The following PCSK7 variants were observed in gnomAD, a reference collection of about 807,000 sequenced individuals.
PCSK7 encodes lymphoma proprotein convertase.
PCSK7 carries 38 observed loss-of-function variants against 73.3 expected under a neutral mutation model. The ratio of observed to expected loss-of-function variants is 0.52; its 90% CI spans 0.40 to 0.68. The LOEUF is 0.68. Ranked by LOEUF, PCSK7 falls within the 30% of genes least tolerant of loss-of-function variation. The pLI is 0.00. For missense variants in PCSK7, 692 were observed against 991.5 expected, an observed-to-expected ratio of 0.70 and a Z score of 4.06; for synonymous variants, 296 against 383.8, an observed-to-expected ratio of 0.77 and a Z score of 2.68.
intron 12 of PCSK7, chr11:117,215,344 T>G: frequency 8.2e-6 from 1 of 122,176 alleles, no homozygotes; most frequent in South Asian, 3.3e-4. Flanking sequence ...TACAGGCACG[T>G]GCCACCATGC....
chr11:117,229,256 C>T (rs572625164), intron 3 of PCSK7, 121 bp downstream of exon 3: 32 of 798,450 alleles, frequency 4.0e-5, no homozygotes, highest in Middle Eastern at 3.7e-4. Flanking sequence ...ACCACAGAAC[C>T]GGGAAATGGT....
intron 9 of PCSK7, chr11:117,222,429 C>T (rs2032239157): frequency 6.6e-6 from 1 of 152,242 alleles, no homozygotes; most frequent in African/African-American, 2.4e-5. Context: ...TCCCACTCAT[C>T]CCATAAAAAC....
chr11:117,229,743 C>T lies in PCSK7; in HGVS notation c.102G>A (p.Trp34Ter). ...ELAGLFLLVP[W>*]VMGLAGTGGP... ...CACCTGTCCCTGCCAGGCCCATGAC[C>T]CAGGGAACCAGTAAGAAGAGCCCGG... Residue 34 changes from tryptophan (W) to a stop codon, truncating the protein, a stop_gained, in exon 3 of 17, where the codon TGG becomes TGA. Coordinates refer to ENST00000320934, the MANE Select transcript of PCSK7 (RefSeq NM_004716.4). LOFTEE classifies it high-confidence loss of function. The T allele has an allele frequency of 1.2e-6, 2 of 1,613,904 alleles. No homozygotes were observed. Among genetic ancestry groups the T allele is most frequent in the Non-Finnish European group, 1.7e-6 (2 of 1,179,842 alleles).
Position 117,206,107 on chromosome 11 carries a change from G to A in PCSK7, c.2248C>T (p.Pro750Ser), listed in dbSNP as rs1220895892. ...CAGTCCCCTTGCTCCAGCAGGTCTG[G>A]GGCAAGGAGGTCAGAGGTGGTGGGA... Reference protein sequence around the residue: ...GPPTTSDLLAPDLLEQGDWSL... With the variant: ...GPPTTSDLLASDLLEQGDWSL... The change falls in exon 17 of 17, where the codon CCA (proline) becomes TCA (serine). Residue 750 changes from proline to serine, a missense_variant. By Grantham distance (74) the Pro-to-Ser change is moderately conservative. Coordinates refer to ENST00000320934, the MANE Select transcript of PCSK7 (RefSeq NM_004716.4). 4.4e-6 allele frequency: 7 copies of A among 1,590,130 alleles called. No individual in the cohort carries two copies. The African/African-American group carries it at 8.1e-5, about 18-fold the overall frequency.
rs200607790 is a variant in PCSK7 at position 117,208,920 on chromosome 11, G to A, written c.1668C>T (p.Ile556=). The change falls in exon 13 of 17, where the codon ATC becomes ATT. Residue 556 remains isoleucine, a synonymous_variant. Coordinates refer to ENST00000320934, the MANE Select transcript of PCSK7 (RefSeq NM_004716.4). The part of the protein sequence containing the change: ...LFCPSGMMSL[I]GAPRSMDSDP... The stretch of plus-strand genomic sequence containing the variant: ...ACGAGTCCATGCTGCGGGGGGCGCC[G>A]ATGAGGGACATCATGCCACTGGGGC... The A allele has an allele frequency of 6.1e-5, 99 of 1,612,546 alleles. No individual in the cohort carries two copies. The highest frequency in any genetic ancestry group is 6.1e-5 in the Non-Finnish European group (72 of 1,179,822).
chr11:117,226,196 G>A lies in PCSK7; in HGVS notation c.770-175C>T, dbSNP rs540425707. On this transcript the variant is annotated intron_variant, in intron 5 of 16. Transcript: ENST00000320934. ...TTGTCACCCAGACTGGAGTGCAGTG[G>A]CATGATCTCGGCTCACTGCAGCCTC... is the stretch of plus-strand genomic sequence containing the variant. 3.0e-5 allele frequency: 18 copies of A among 597,330 alleles called. No individual in the cohort carries two copies. The African/African-American group carries it at 3.2e-4, about 11-fold the overall frequency. The allele number at this position is 597,330 out of a possible 1,614,324, so 37.0% of individuals were successfully genotyped here. A position where few individuals can be genotyped will look rare whatever the true frequency, so the allele number is the denominator to read the frequency against.
intron 9 of PCSK7, chr11:117,222,930 A>C (rs921212999): frequency 1.6e-5 from 6 of 377,970 alleles, no homozygotes; most frequent in Non-Finnish European, 3.0e-5. Context: ...TACAGGAGTG[A>C]GCCACCATGT....
chr11:117,215,138 GCTAT>G (rs886929472), intron 12 of PCSK7: 2 of 151,916 alleles, frequency 1.3e-5, no homozygotes, highest in Admixed American at 6.6e-5. Flanking sequence ...GCCACACATG[GCTAT>G]CTAAATTAAA....
chr11:117,213,976 T>TTTTTTTTTTTTTTTTTTTTTTTTTTTG (rs36106425), intron 12 of PCSK7: 2 of 131,354 alleles, frequency 1.5e-5, no homozygotes, highest in African/African-American at 3.2e-5. Flanking sequence ...TTTTTTTTTT[T>TTTTTTTTTTTTTTTTTTTTTTTTTTTG]AGACGGAGTC....
At chr11:117,224,247 G>C in intron 7 of PCSK7, 31 bp from the exon 8 acceptor site, 1 of 1,611,966 alleles carries the variant, frequency 6.2e-7, no homozygotes, top group Non-Finnish European at 8.5e-7. Context: ...GGTGTCAGTT[G>C]AGGAACCCAC....
chr11:117,218,663 A>C lies in PCSK7; in HGVS notation c.1432-95T>G, dbSNP rs2032081639. The C allele has an allele frequency of 1.4e-6, 1 of 689,730 alleles. No homozygotes were observed. The highest frequency in any genetic ancestry group is 1.8e-5 in the African/African-American group (1 of 55,802). The allele number at this position is 689,730 out of a possible 1,614,324, so 42.7% of individuals were successfully genotyped here. On this transcript the variant is annotated intron_variant, in intron 11 of 16. Transcript: ENST00000320934. This position sits in a 1 kb window ranked among gnomAD's most constrained non-coding sequence, Gnocchi z 4.0. ...ACACGCCCTTGTCAATACGATCTTGAAGGTTTAGCTGTCTTTATTTTTCCA... is the reference window on the plus strand; with the variant it reads ...ACACGCCCTTGTCAATACGATCTTGCAGGTTTAGCTGTCTTTATTTTTCCA...
intron 12 of PCSK7, chr11:117,217,073 C>T (rs1327830026): frequency 6.6e-6 from 1 of 152,206 alleles, no homozygotes. Flanking sequence ...CCTCCCTTCT[C>T]TTAATCCTGC....
At chr11:117,224,267 TCCG>T in intron 7 of PCSK7, 51 bp from the exon 8 acceptor site, 1 of 1,589,630 alleles carries the variant, frequency 6.3e-7, no homozygotes, top group Admixed American at 1.7e-5. Flanking sequence ...CAGAAAGACC[TCCG>T]CCTACCACAT....
intron 12 of PCSK7, chr11:117,210,754 G>A (rs927813495): frequency 2.0e-5 from 3 of 152,110 alleles, no homozygotes; most frequent in African/African-American, 7.2e-5. Flanking sequence ...ACTTCAGCCT[G>A]GGAGACATCA....
chr11:117,227,011 AC>A, intron 5 of PCSK7, 145 bp downstream of exon 5: 1 of 600,464 alleles, frequency 1.7e-6, no homozygotes, highest in Non-Finnish European at 2.9e-6. Flanking sequence ...TCCTACAGAC[AC>A]CTATTATAAA....
intron 6 of PCSK7, 74 bp from the exon 7 acceptor site, chr11:117,224,829 C>T: frequency 9.2e-7 from 1 of 1,092,306 alleles, no homozygotes; most frequent in Admixed American, 1.7e-5. Context: ...CTCCCAGTCT[C>T]AGCTGGCTGC....
rs45574931 is a variant in PCSK7 at position 117,206,256 on chromosome 11, C to A, written c.2099G>T (p.Arg700Met). The A allele has an allele frequency of 3.1e-3, 4,937 of 1,614,050 alleles. 20 individuals carry two copies. Among genetic ancestry groups the A allele is most frequent in the Non-Finnish European group, 3.5e-3 (4,152 of 1,179,944 alleles). Reference sequence around the variant, plus strand: ...ATGGGGCCAGTGGCAGGGTCCACTCCTACAAACTTGATTGGAAGCCACATT... The same window carrying A: ...ATGGGGCCAGTGGCAGGGTCCACTCATACAAACTTGATTGGAAGCCACATT... ...QRNVASNQVC[R>M]SGPCHWPHRS... Residue 700 changes from arginine to methionine, a missense_variant, in exon 17 of 17, where the codon AGG (arginine) becomes ATG (methionine). Arg to Met is a moderately conservative substitution (Grantham distance 91, BLOSUM62 -1). Around this residue, in one of 6 missense-constraint regions of PCSK7, gnomAD observed 78 missense variants for 102.6 expected, o/e 0.76. Coordinates refer to ENST00000320934, the MANE Select transcript of PCSK7 (RefSeq NM_004716.4).
rs752653680 is a variant in PCSK7, at chr11:117,229,835, C to T, written c.10G>A (p.Gly4Arg). 8.3e-6 allele frequency: 13 copies of T among 1,561,746 alleles called. No homozygotes were observed. In the South Asian group the frequency reaches 1.4e-4, roughly 17 times the overall value. The change falls in exon 3 of 17, where the codon GGG (glycine) becomes AGG (arginine). Residue 4 changes from glycine (G) to arginine (R), a missense_variant. Physicochemically the swap from Gly to Arg is moderately radical, Grantham distance 125. This residue lies in a region of PCSK7 where 574 missense variants were observed against 689.8 expected (regional missense o/e 0.83). Coordinates refer to ENST00000320934, the MANE Select transcript of PCSK7 (RefSeq NM_004716.4). The stretch of plus-strand genomic sequence containing the variant: ...TCCAAGTGTGGCACTTTCTGCCTCC[C>T]CTTCGGCATCAGAGCAGTGGACTGC... MPK[G>R]RQKVPHLDAP...
intron 5 of PCSK7, 34 bp downstream of exon 5, chr11:117,227,123 A>G: frequency 6.4e-7 from 1 of 1,551,190 alleles, no homozygotes; most frequent in Non-Finnish European, 8.7e-7. Context: ...TCACAGGAGC[A>G]GCCTACCAAG....
Sources: gnomAD v4.1 joint callset for allele counts on GRCh38, gnomAD v4.1.1 for gene constraint, gnomAD v4.1.1 regional missense constraint, Gnocchi (gnomAD v3.1) non-coding constraint, MANE v1.5 for transcripts, NCBI Gene and HGNC (gene_info 2026-07-23, HGNC 2026-07-21) for gene names.